Variants in SLC6A15 observed in about 807,000 individuals in gnomAD.
SLC6A15 encodes sodium-dependent neutral amino acid transporter B(0)AT2.
A neutral mutation model predicts 68.5 loss-of-function variants in SLC6A15; 33 were observed. The observed-to-expected ratio is 0.48, with a 90% CI of 0.37 to 0.64. The LOEUF is 0.64. Among genes scored for constraint, SLC6A15 ranks in the 30% least tolerant of loss-of-function variants. The pLI is 0.00. For missense variants in SLC6A15, 747 were observed against 874.3 expected (o/e 0.85, Z 1.84); for synonymous variants, 347 against 301.0 (o/e 1.15, Z -1.58).
At chr12:84,876,715 G>A (rs1387783416) in intron 5 of SLC6A15, 108 bp from the exon 6 acceptor site, 2 of 520,964 alleles carry the variant, frequency 3.8e-6, no homozygotes, top group African/African-American at 4.0e-5. Flanking sequence ...TTCATGACAG[G>A]ATTAATAAAA....
intron 6 of SLC6A15, 69 bp downstream of exon 6, chr12:84,876,428 T>G: frequency 3.7e-6 from 3 of 817,744 alleles, no homozygotes; most frequent in Non-Finnish European, 5.8e-6. Context: ...TAAATATAAC[T>G]TAGAATATTT....
intron 1 of SLC6A15, among the ~76,000 whole-genome samples, chr12:84,896,098 CA>C (rs751933427): frequency 2.6e-5 from 4 of 152,174 alleles, no homozygotes; most frequent in African/African-American, 9.7e-5. Flanking sequence ...GCCAACTTAG[CA>C]GCATCCATTC....
In SLC6A15 at chr12:84,861,635, C is replaced by T. The variant is rs1412076058; in HGVS notation, c.2190G>A (p.Leu730=). 5 of 1,588,574 alleles carry T rather than the reference C, an allele frequency of 3.1e-6. No homozygotes were observed. Among genetic ancestry groups the T allele is most frequent in the East Asian group, 2.3e-5 (1 of 44,440 alleles). ...DIMPDMPESD[L] ...AACCCACTGACTTTTCCCCCAGCTA[C>T]AAATCAGATTCTGGCATATCTGGCA... is the stretch of plus-strand genomic sequence containing the variant. Residue 730 remains leucine, a synonymous_variant, in exon 12 of 12, where the codon TTG becomes TTA. Coordinates refer to ENST00000266682, the MANE Select transcript of SLC6A15 (RefSeq NM_182767.6).
intron 5 of SLC6A15, among the ~76,000 whole-genome samples, chr12:84,878,694 G>T: frequency 1.3e-5 from 2 of 150,786 alleles, no homozygotes; most frequent in African/African-American, 4.9e-5. Flanking sequence ...TTCTAATTAG[G>T]TACTAAGAAA....
chr12:84,877,205 G>A (rs1320319795), intron 5 of SLC6A15, among the ~76,000 whole-genome samples: 1 of 152,076 alleles, frequency 6.6e-6, no homozygotes, highest in East Asian at 1.9e-4. Flanking sequence ...TCTTCCTCTG[G>A]AGGCCTAATA....
chr12:84,866,114 A>T (rs1427387726), intron 10 of SLC6A15, among the ~76,000 whole-genome samples: 1 of 152,178 alleles, frequency 6.6e-6, no homozygotes, highest in Non-Finnish European at 1.5e-5. Flanking sequence ...AATACCCACA[A>T]TATTCTTTAT....
At chr12:84,873,435 C>G (rs926470630) in intron 6 of SLC6A15, 107 bp from the exon 7 acceptor site, 5 of 1,261,294 alleles carry the variant, frequency 4.0e-6, no homozygotes, top group Non-Finnish European at 5.5e-6. Context: ...TTTATGCATC[C>G]AAAGTTTATT....
Position 84,861,937 on chromosome 12 carries a change from T to C in SLC6A15, c.1888A>G (p.Ile630Val). Residue 630 changes from isoleucine to valine, a missense_variant, in exon 12 of 12, where the codon ATA (isoleucine) becomes GTA (valine). Transcript: ENST00000266682. ...VVCVSLVVFA[I>V]LPVPVVFIVR... is the part of the protein sequence containing the mutation. ...ATGAAAACTACAGGGACTGGGAGTA[T>C]TGCAAAGACAACCAGAGAGACACAA... The C allele has an allele frequency of 1.2e-6, 2 of 1,613,836 alleles. No individual in the cohort carries two copies. The highest frequency in any genetic ancestry group is 1.7e-6 in the Non-Finnish European group (2 of 1,179,850).
At chr12:84,884,119 A>G in intron 4 of SLC6A15, 79 bp from the exon 5 acceptor site, 1 of 1,183,726 alleles carries the variant, frequency 8.4e-7, no homozygotes, top group Admixed American at 2.0e-5. Flanking sequence ...TAAACCTGTA[A>G]GTGAATTCTT....
intron 1 of SLC6A15, among the ~76,000 whole-genome samples, chr12:84,907,111 A>C (rs1368776666): frequency 6.6e-6 from 1 of 152,152 alleles, no homozygotes; most frequent in East Asian, 1.9e-4. Flanking sequence ...GCACTTTGGG[A>C]GGCCCAGACG....
At chr12:84,882,000 C>T (rs948897471) in intron 5 of SLC6A15, 1 of 978,280 alleles carries the variant, frequency 1.0e-6, no homozygotes, top group Admixed American at 6.2e-5. Context: ...AATGTATGTA[C>T]TAAATAAATT....
At chr12:84,868,813 C>T (rs1249305271) in intron 9 of SLC6A15, among the ~76,000 whole-genome samples, 2 of 152,132 alleles carry the variant, frequency 1.3e-5, no homozygotes, top group Non-Finnish European at 2.9e-5. Flanking sequence ...TCCCTTTACA[C>T]TGTTACTTTT....
chr12:84,898,615 G>A (rs866693233), intron 1 of SLC6A15, among the ~76,000 whole-genome samples: 13 of 152,258 alleles, frequency 8.5e-5, no homozygotes, highest in Middle Eastern at 3.4e-3. Context: ...TTTATAAAAT[G>A]AGAACAATAA....
intron 9 of SLC6A15, 178 bp from the exon 10 acceptor site, chr12:84,867,371 G>A: frequency 2.6e-6 from 1 of 390,286 alleles, no homozygotes; most frequent in Non-Finnish European, 4.5e-6. Context: ...TTACCTGGGT[G>A]TAGCCTCAAC....
chr12:84,864,999 G>T (rs1003684929), intron 10 of SLC6A15, among the ~76,000 whole-genome samples: 6 of 152,232 alleles, frequency 3.9e-5, no homozygotes, highest in African/African-American at 1.4e-4. Flanking sequence ...GCATTAAAAA[G>T]AGAGATTCTT....
In SLC6A15 at chr12:84,876,193, T is replaced by C. The variant is rs796780301; in HGVS notation, c.867+304A>G. Among the ~76,000 whole-genome samples the C allele has an allele frequency of 2.6e-5, 4 of 151,838 alleles. 1 individual carries two copies. Among genetic ancestry groups the C allele is most frequent in the African/African-American group, 7.2e-5 (3 of 41,480 alleles). ...TAAAGGGGAAAGAGTTAAGGAAGAC[T>C]GAAAAATTCTGAAGTCTAATCAGTA... On this transcript the variant is annotated intron_variant, in intron 6 of 11. Transcript: ENST00000266682.
chr12:84,885,660 C>A (rs1440110882), intron 3 of SLC6A15, 99 bp from the exon 4 acceptor site: 1 of 1,284,696 alleles, frequency 7.8e-7, no homozygotes, highest in Non-Finnish European at 1.1e-6. Flanking sequence ...TTAAAATCCT[C>A]TTCATTTTAT....
intron 1 of SLC6A15, among the ~76,000 whole-genome samples, chr12:84,899,013 G>A (rs927073617): frequency 6.6e-6 from 1 of 152,150 alleles, no homozygotes; most frequent in Non-Finnish European, 1.5e-5. Flanking sequence ...TTCTAATATG[G>A]TCTAACTGAC....
chr12:84,912,162 A>T (rs1873498827), intron 1 of SLC6A15: 1 of 151,920 alleles, frequency 6.6e-6, no homozygotes, highest in African/African-American at 2.4e-5. Flanking sequence ...CCCACCCTTC[A>T]ACCAACCCCG....
Sources: allele counts gnomAD v4.1 joint callset (sites outside exome capture counted in the v4.1 genomes callset), GRCh38; gene constraint gnomAD v4.1.1; transcripts MANE v1.5; gene names NCBI Gene and HGNC (gene_info 2026-07-23, HGNC 2026-07-21).